KIF18A: variants seen among roughly 807,000 people sequenced by gnomAD.
The protein encoded by KIF18A is kinesin-like protein KIF18A.
KIF18A carries 67 observed loss-of-function variants against 103.3 expected under a neutral mutation model. The ratio of observed to expected loss-of-function variants is 0.65; its 90% confidence interval spans 0.53 to 0.79. KIF18A has a LOEUF of 0.79. Among genes scored for constraint, KIF18A ranks in the 30% least tolerant of loss-of-function variants. KIF18A has a pLI of 0.00. For missense variants in KIF18A, 1,032 were observed against 1,062.5 expected (o/e 0.97, Z 0.40); for synonymous variants, 367 against 355.5 (o/e 1.03, Z -0.36).
chr11:28,060,614 A>G (rs1243530626), intron 12 of KIF18A, among the ~76,000 whole-genome samples: 1 of 152,176 alleles, frequency 6.6e-6, no homozygotes, highest in Non-Finnish European at 1.5e-5. Context: ...ACTGCTAAGA[A>G]AGGCTTGGTT....
At chr11:28,069,154 C>A (rs760831295) in intron 11 of KIF18A, 105 bp downstream of exon 11, 37 of 819,294 alleles carry the variant, frequency 4.5e-5, no homozygotes, top group Non-Finnish European at 5.9e-5. Flanking sequence ...AGTTATGAGG[C>A]AATAATAGTT....
chr11:28,083,372 T>C, intron 7 of KIF18A, 129 bp from the exon 8 acceptor site: 1 of 1,022,624 alleles, frequency 9.8e-7, no homozygotes, highest in Non-Finnish European at 1.3e-6. Flanking sequence ...TATGCTCACA[T>C]TTAAAATCTA....
At chr11:28,029,656 T>C (rs1434719963) in intron 15 of KIF18A, among the ~76,000 whole-genome samples, 2 of 151,752 alleles carry the variant, frequency 1.3e-5, no homozygotes, top group Admixed American at 6.6e-5. Flanking sequence ...TCCTACTCAA[T>C]ATAGTGTGGG....
chr11:28,024,204 A>C (rs1158322350), intron 15 of KIF18A, among the ~76,000 whole-genome samples: 19 of 151,336 alleles, frequency 1.3e-4, no homozygotes, highest in Admixed American at 1.2e-3. Context: ...AAAAAAAAAA[A>C]AAAAAAACTA....
chr11:28,098,306 G>A (rs1454222676), intron 1 of KIF18A, among the ~76,000 whole-genome samples: 2 of 152,138 alleles, frequency 1.3e-5, no homozygotes, highest in Non-Finnish European at 2.9e-5. Flanking sequence ...TACTATAGCT[G>A]AACCATATAT....
At chr11:28,032,078 T>C (rs1048662288) in intron 15 of KIF18A, among the ~76,000 whole-genome samples, 7 of 149,694 alleles carry the variant, frequency 4.7e-5, no homozygotes, top group Non-Finnish European at 7.4e-5. Context: ...ATCAGTAGCA[T>C]ATCTATATAC....
At chr11:28,056,344 G>C (rs919248239) in intron 13 of KIF18A, among the ~76,000 whole-genome samples, 9 of 151,564 alleles carry the variant, frequency 5.9e-5, no homozygotes, top group African/African-American at 2.2e-4. Flanking sequence ...AAAATTTTAT[G>C]GATTTAAGGA....
intron 15 of KIF18A, among the ~76,000 whole-genome samples, chr11:28,029,968 T>G (rs1462701815): frequency 1.3e-5 from 1 of 76,920 alleles, no homozygotes; most frequent in African/African-American, 5.1e-5. Context: ...GAATCCAACT[T>G]ACAAGGGATG....
At chr11:28,063,609 G>C (rs548033968) in intron 11 of KIF18A, among the ~76,000 whole-genome samples, 2 of 151,806 alleles carry the variant, frequency 1.3e-5, no homozygotes, top group African/African-American at 4.8e-5. Flanking sequence ...ATATATCAGC[G>C]AAGGGATTAC....
intron 15 of KIF18A, among the ~76,000 whole-genome samples, chr11:28,026,339 G>A (rs1850320544): frequency 1.3e-5 from 2 of 151,544 alleles, no homozygotes; most frequent in Admixed American, 6.6e-5. Flanking sequence ...AACTAAATAT[G>A]TATATAAAGC....
chr11:28,065,535 T>TATTGAA (rs768942234), intron 11 of KIF18A, among the ~76,000 whole-genome samples: 102 of 152,132 alleles, frequency 6.7e-4, no homozygotes, highest in Non-Finnish European at 1.2e-3. Context: ...GATTTGACCA[T>TATTGAA]ATTGAAAAAG....
At chr11:28,039,465 A>G (rs1850533058) in intron 13 of KIF18A, among the ~76,000 whole-genome samples, 1 of 151,748 alleles carries the variant, frequency 6.6e-6, no homozygotes, top group African/African-American at 2.4e-5. Context: ...ATCTCAAGGG[A>G]CAAGAATTAT....
At chr11:28,073,500 G>T (rs1010575429) in intron 10 of KIF18A, among the ~76,000 whole-genome samples, 1 of 152,120 alleles carries the variant, frequency 6.6e-6, no homozygotes, top group Non-Finnish European at 1.5e-5. Flanking sequence ...AAGCCAGACA[G>T]CTGGGGTTTA....
intron 10 of KIF18A, among the ~76,000 whole-genome samples, chr11:28,074,644 C>T (rs906026637): frequency 2.0e-5 from 3 of 152,114 alleles, no homozygotes; most frequent in African/African-American, 7.2e-5. Context: ...TTTCCCATTT[C>T]ATAGGCTAAC....
intron 6 of KIF18A, 68 bp from the exon 7 acceptor site, chr11:28,084,876 C>T: frequency 8.1e-7 from 1 of 1,236,748 alleles, no homozygotes; most frequent in South Asian, 1.3e-5. Flanking sequence ...ACCACTTTAG[C>T]ACTTCACTGT....
intron 9 of KIF18A, 116 bp downstream of exon 9, chr11:28,082,740 A>T (rs1851181043): frequency 1.7e-6 from 1 of 602,812 alleles, no homozygotes. Context: ...ATAAAATTAT[A>T]AACATACATA....
chr11:28,032,518 A>G (rs551382793), intron 15 of KIF18A, among the ~76,000 whole-genome samples: 1 of 151,968 alleles, frequency 6.6e-6, no homozygotes. Context: ...ATAAAACCAG[A>G]CACACAAACC....
At chr11:28,074,583 T>G (rs2133544264) in intron 10 of KIF18A, among the ~76,000 whole-genome samples, 1 of 152,270 alleles carries the variant, frequency 6.6e-6, no homozygotes, top group Non-Finnish European at 1.5e-5. Flanking sequence ...CAAACTGGTA[T>G]CAATGATACA....
rs11552119 is a variant in KIF18A at position 28,097,767 on chromosome 11, T to C, written c.181A>G (p.Asn61Asp). ...VSFFHGKKTT[N>D]QNVIKKQNKD... ...TTTTGTTTCTTTATAACATTTTGAT[T>C]TGTAGTTTTCTTTCCATGGAAAAAA... Residue 61 changes from asparagine to aspartate, a missense_variant, in exon 2 of 17, where the codon AAT (asparagine) becomes GAT (aspartate). Physicochemically the swap from Asn to Asp is conservative, Grantham distance 23. Coordinates refer to ENST00000263181, the MANE Select transcript of KIF18A (RefSeq NM_031217.4). 6 of 1,612,662 alleles carry C rather than the reference T, an allele frequency of 3.7e-6. No individual in the cohort carries two copies. The Admixed American group carries it at 1.0e-4, about 27-fold the overall frequency.
Sources: gnomAD v4.1 joint callset for allele counts (sites outside exome capture counted in the v4.1 genomes callset) on GRCh38, gnomAD v4.1.1 for gene constraint, MANE v1.5 for transcripts, NCBI Gene and HGNC (gene_info 2026-07-23, HGNC 2026-07-21) for gene names.